The following LPXN variants were observed in gnomAD, a reference collection of about 807,000 sequenced individuals.
The protein encoded by LPXN is leupaxin.
LPXN carries 28 observed loss-of-function variants against 45.6 expected under a neutral mutation model. The observed-to-expected ratio is 0.61, with a 90% CI of 0.45 to 0.84. The LOEUF (loss-of-function observed/expected upper bound fraction) is 0.84, where lower values mean the gene tolerates loss of function less well. Among genes scored for constraint, LPXN ranks in the 40% least tolerant of loss-of-function variants. The pLI is 0.00. For missense variants in LPXN, 459 were observed against 475.0 expected (o/e 0.97, Z 0.31); for synonymous variants, 166 against 169.9 (o/e 0.98, Z 0.18).
intron 7 of LPXN, among the ~76,000 whole-genome samples, chr11:58,531,581 A>G (rs1225518121): frequency 6.6e-6 from 1 of 152,174 alleles, no homozygotes; most frequent in Non-Finnish European, 1.5e-5. Flanking sequence ...TCTACGTTTG[A>G]CTGGTGTACC....
intron 6 of LPXN, 40 bp downstream of exon 6, chr11:58,549,933 T>A: frequency 6.2e-7 from 1 of 1,613,778 alleles, no homozygotes; most frequent in East Asian, 2.2e-5. Context: ...TGGTTCTAAG[T>A]GAGTGACTGA....
chr11:58,577,842 C>A, upstream of LPXN: 1 of 611,784 alleles, frequency 1.6e-6, no homozygotes. Flanking sequence ...CCGACGCCGG[C>A]TCCTTGGTGT....
At chr11:58,567,751 GA>G (rs1199665122) in intron 2 of LPXN, among the ~76,000 whole-genome samples, 1 of 152,162 alleles carries the variant, frequency 6.6e-6, no homozygotes, top group Non-Finnish European at 1.5e-5. Flanking sequence ...GGTAAATATT[GA>G]AAAATATTTT....
chr11:58,527,199 C>A lies in LPXN; in HGVS notation c.*255G>T. 1 of 445,810 alleles carries A rather than the reference C, an allele frequency of 2.2e-6. No individual in the cohort carries two copies. Among genetic ancestry groups the A allele is most frequent in the Non-Finnish European group, 4.1e-6 (1 of 244,422 alleles). The allele number at this position is 445,810 out of a possible 1,614,324, so 27.6% of individuals were successfully genotyped here. On this transcript the variant is annotated 3_prime_UTR_variant, in exon 9 of 9. Coordinates refer to ENST00000395074, the MANE Select transcript of LPXN (RefSeq NM_004811.3). ...CTGTAGAGGGACGAGATAGAAGGAC[C>A]TAGATCTAACTCCAAGTGCTTGATT...
chr11:58,539,840 A>G (rs182434808), intron 7 of LPXN, among the ~76,000 whole-genome samples: 9 of 152,268 alleles, frequency 5.9e-5, no homozygotes, highest in Non-Finnish European at 1.3e-4. Flanking sequence ...TTTTTGTAGA[A>G]CTCAGCTAAT....
At chr11:58,558,243 T>C (rs1217297593) in intron 3 of LPXN, among the ~76,000 whole-genome samples, 1 of 151,522 alleles carries the variant, frequency 6.6e-6, no homozygotes, top group Admixed American at 6.6e-5. Flanking sequence ...ATTTGTATGA[T>C]GTTGGTAAAG....
Position 58,527,223 on chromosome 11 carries a change from T to A in LPXN, c.*231A>T. 2.0e-6 allele frequency: 1 copy of A among 489,834 alleles called. No homozygotes were observed. Among genetic ancestry groups the A allele is most frequent in the Non-Finnish European group, 3.7e-6 (1 of 271,584 alleles). 30.3% of individuals were successfully genotyped at this position (489,834 alleles called of 1,614,324 possible). ...CCTAGATCTAACTCCAAGTGCTTGA[T>A]TGGAGAAGAGAGGGAGAAAGAGAAT... On this transcript the variant is annotated 3_prime_UTR_variant, in exon 9 of 9. Transcript: ENST00000395074.
chr11:58,558,772 A>G (rs1488253811), intron 3 of LPXN, among the ~76,000 whole-genome samples: 2 of 151,840 alleles, frequency 1.3e-5, no homozygotes, highest in African/African-American at 4.8e-5. Flanking sequence ...CAAATACATG[A>G]ATAAATTTGA....
intron 7 of LPXN, among the ~76,000 whole-genome samples, chr11:58,535,899 A>C (rs561502687): frequency 6.6e-5 from 10 of 151,928 alleles, no homozygotes; most frequent in African/African-American, 2.4e-4. Context: ...TCATGAGTGA[A>C]ACTCATTCAC....
intron 7 of LPXN, among the ~76,000 whole-genome samples, chr11:58,530,450 G>A (rs1393275338): frequency 6.6e-6 from 1 of 152,200 alleles, no homozygotes; most frequent in Non-Finnish European, 1.5e-5. Flanking sequence ...AAACTGGGTG[G>A]AGCCAACCGC....
chr11:58,528,259 G>A (rs1590746685), intron 7 of LPXN, 68 bp from the exon 8 acceptor site: 2 of 1,456,544 alleles, frequency 1.4e-6, no homozygotes, highest in East Asian at 2.4e-5. Flanking sequence ...GAGACTGAGA[G>A]GAGGCCCTTT....
chr11:58,559,578 C>T (rs557697660), intron 3 of LPXN, among the ~76,000 whole-genome samples: 5 of 152,222 alleles, frequency 3.3e-5, no homozygotes, highest in South Asian at 2.1e-4. Context: ...CAGAACAATA[C>T]GAAAATTATA....
intron 3 of LPXN, among the ~76,000 whole-genome samples, chr11:58,559,385 T>C (rs1854304687): frequency 2.0e-5 from 3 of 152,150 alleles, no homozygotes; most frequent in Non-Finnish European, 4.4e-5. Flanking sequence ...TAAATATATG[T>C]GCAAGGACAT....
At chr11:58,576,888 C>T (rs939619710), upstream of LPXN, among the ~76,000 whole-genome samples, 1 of 152,186 alleles carries the variant, frequency 6.6e-6, no homozygotes, top group Non-Finnish European at 1.5e-5. Flanking sequence ...GCGATTTGCC[C>T]TTCTCAGCTT....
chr11:58,534,489 CAA>C (rs773009690), intron 7 of LPXN, among the ~76,000 whole-genome samples: 1 of 152,140 alleles, frequency 6.6e-6, no homozygotes, highest in African/African-American at 2.4e-5. Context: ...AACAAAGACA[CAA>C]AGTACCAGAA....
At chr11:58,543,004 T>C (rs897934955) in intron 7 of LPXN, among the ~76,000 whole-genome samples, 11 of 152,182 alleles carry the variant, frequency 7.2e-5, no homozygotes, top group African/African-American at 2.4e-4. Context: ...TGAAACTCAC[T>C]TCCCTGAGAT....
At chr11:58,554,464 C>G (rs1362830729) in intron 4 of LPXN, among the ~76,000 whole-genome samples, 1 of 152,140 alleles carries the variant, frequency 6.6e-6, no homozygotes, top group Non-Finnish European at 1.5e-5. Context: ...GAGTCCATCC[C>G]AAGTTTCAAC....
At chr11:58,555,172 T>C (rs1036903425) in intron 3 of LPXN, among the ~76,000 whole-genome samples, 5 of 152,226 alleles carry the variant, frequency 3.3e-5, no homozygotes, top group Non-Finnish European at 5.9e-5. Context: ...ATAAAAAGTA[T>C]TATATCTCCT....
chr11:58,577,650 T>C (rs1206181195), upstream of LPXN, among the ~76,000 whole-genome samples: 2 of 152,110 alleles, frequency 1.3e-5, no homozygotes, highest in Non-Finnish European at 2.9e-5. Context: ...ATTAATGTCA[T>C]ACGCTAGCGT....
Sources: gnomAD v4.1 joint callset for allele counts (sites outside exome capture counted in the v4.1 genomes callset) on GRCh38, gnomAD v4.1.1 for gene constraint, MANE v1.5 for transcripts, NCBI Gene and HGNC (gene_info 2026-07-23, HGNC 2026-07-21) for gene names.